The following VWA8 variants were observed in gnomAD, a reference collection of about 807,000 sequenced individuals.
VWA8 encodes the protein von Willebrand factor A domain containing 8, also known as von Willebrand factor A domain-containing protein 8.
In VWA8, 221 loss-of-function variants were observed where a neutral mutation model predicts 241.5. The observed-to-expected ratio is 0.91, with a 90% CI of 0.82 to 1.02. The LOEUF is 1.02. VWA8 is among the 50% of genes least tolerant of loss of function. The pLI is 0.00. For synonymous variants in VWA8, 852 were observed against 827.1 expected, an observed-to-expected ratio of 1.03 and a Z score of -0.52; for missense variants, 2,322 against 2,328.7, an observed-to-expected ratio of 1.00 and a Z score of 0.06.
At chr13:41,719,043 A>G (rs1438346909) in intron 26 of VWA8, among the ~76,000 whole-genome samples, 1 of 152,038 alleles carries the variant, frequency 6.6e-6, no homozygotes, top group Non-Finnish European at 1.5e-5. Flanking sequence ...AACATTAAGT[A>G]GTAGCCTATG....
chr13:41,771,084 T>C (rs1050918401), intron 20 of VWA8, among the ~76,000 whole-genome samples: 2 of 152,270 alleles, frequency 1.3e-5, no homozygotes, highest in South Asian at 2.1e-4. Flanking sequence ...GTAGATCAAA[T>C]TTTTATTTCT....
intron 21 of VWA8, among the ~76,000 whole-genome samples, chr13:41,734,011 G>C (rs2045505696): frequency 1.3e-5 from 2 of 152,166 alleles, no homozygotes; most frequent in East Asian, 1.9e-4. Flanking sequence ...GTAAATGTTG[G>C]GTCAGAGTAA....
intron 17 of VWA8, among the ~76,000 whole-genome samples, chr13:41,790,154 T>G (rs1214582498): frequency 6.6e-6 from 1 of 152,112 alleles, no homozygotes; most frequent in Non-Finnish European, 1.5e-5. Flanking sequence ...AAGGTCTCAA[T>G]TTTTTAAATT....
At position 41,959,493 on chromosome 13, in the gene VWA8, CAAAAAAAA is replaced by C. The variant is rs59960898; in HGVS notation, c.163+1352_163+1359del. Reference sequence around the variant, plus strand: ...AGAAGTGAGAGTAATTGAGAAAAAGCAAAAAAAAAAAAAAAAACAAAAAGTAAAATTTG... The same window carrying C: ...AGAAGTGAGAGTAATTGAGAAAAAGCAAAAAAAAACAAAAAGTAAAATTTG... On this transcript the variant is annotated intron_variant, in intron 1 of 44. Transcript: ENST00000379310. 6.5e-4 allele frequency among the ~76,000 whole-genome samples: 50 copies of C among 76,464 alleles called. 1 individual carries two copies. The highest frequency in any genetic ancestry group is 7.2e-3 in the Middle Eastern group (1 of 138). The allele number at this position is 76,464 out of a possible 152,430, so 50.2% of individuals were successfully genotyped here.
intron 20 of VWA8, 67 bp from the exon 21 acceptor site, chr13:41,761,271 A>T (rs992179744): frequency 1.8e-5 from 27 of 1,486,878 alleles, no homozygotes; most frequent in Middle Eastern, 1.7e-4. Flanking sequence ...ATGCCAAATC[A>T]GAAGAATCTT....
At chr13:41,596,182 C>T (rs2139650886) in intron 40 of VWA8, among the ~76,000 whole-genome samples, 1 of 152,182 alleles carries the variant, frequency 6.6e-6, no homozygotes, top group Middle Eastern at 3.4e-3. Context: ...AACTATTAGG[C>T]ACAAAGACAT....
intron 36 of VWA8, among the ~76,000 whole-genome samples, chr13:41,674,725 T>C (rs9532909): frequency 0.97 from 147,229 of 152,242 alleles, 71,412 homozygotes; most frequent in East Asian, 1. Flanking sequence ...ATGAAGGAGG[T>C]GAACAGTAAT....
At chr13:41,896,282 A>G (rs574184398) in intron 4 of VWA8, among the ~76,000 whole-genome samples, 484 of 152,242 alleles carry the variant, frequency 3.2e-3, no homozygotes, top group African/African-American at 0.01. Context: ...ATTTTAAAAT[A>G]TAAGAAAAGT....
chr13:41,915,746 T>A (rs1876219989), intron 2 of VWA8, among the ~76,000 whole-genome samples: 1 of 152,240 alleles, frequency 6.6e-6, no homozygotes, highest in Non-Finnish European at 1.5e-5. Context: ...AAGGCTCTCA[T>A]CATCACATTC....
chr13:41,831,807 A>G (rs1871476300), intron 13 of VWA8, among the ~76,000 whole-genome samples: 1 of 151,230 alleles, frequency 6.6e-6, no homozygotes, highest in South Asian at 2.1e-4. Context: ...TTTAATAGAG[A>G]CGGGGTTTCA....
chr13:41,575,475 A>C (rs73464903), intron 43 of VWA8, among the ~76,000 whole-genome samples: 17,456 of 152,182 alleles, frequency 0.11, 1,928 homozygotes, highest in African/African-American at 0.29. Flanking sequence ...GAGAAGAGCC[A>C]TATAGGACAT....
At chr13:41,574,056 T>C (rs1053499365) in intron 43 of VWA8, among the ~76,000 whole-genome samples, 1 of 152,000 alleles carries the variant, frequency 6.6e-6, no homozygotes, top group African/African-American at 2.4e-5. Flanking sequence ...TGCATGCCCG[T>C]ATCAAACATC....
At chr13:41,818,245 G>T (rs1476604855) in intron 15 of VWA8, among the ~76,000 whole-genome samples, 1 of 149,102 alleles carries the variant, frequency 6.7e-6, no homozygotes, top group African/African-American at 2.5e-5. Context: ...TTACAGGCAT[G>T]AGCCACCGCA....
At chr13:41,959,159 A>G (rs986644129) in intron 1 of VWA8, among the ~76,000 whole-genome samples, 1 of 152,220 alleles carries the variant, frequency 6.6e-6, no homozygotes, top group African/African-American at 2.4e-5. Context: ...AAAAAAGCTA[A>G]CTTTTATTGA....
At chr13:41,881,834 G>A (rs1874223031) in intron 9 of VWA8, among the ~76,000 whole-genome samples, 2 of 145,424 alleles carry the variant, frequency 1.4e-5, no homozygotes, top group African/African-American at 5.1e-5. Flanking sequence ...CTCCCGGACG[G>A]GGCGGCTGGC....
At chr13:41,582,166 C>T (rs1322151875) in intron 42 of VWA8, among the ~76,000 whole-genome samples, 4 of 152,156 alleles carry the variant, frequency 2.6e-5, no homozygotes, top group Non-Finnish European at 5.9e-5. Context: ...TTTAAACACT[C>T]CAAATGGCTT....
chr13:41,940,881 G>C (rs1182777251), intron 2 of VWA8, among the ~76,000 whole-genome samples: 1 of 152,128 alleles, frequency 6.6e-6, no homozygotes, highest in Non-Finnish European at 1.5e-5. Flanking sequence ...CTTATATTGT[G>C]ATTATGGTAG....
At chr13:41,791,476 T>C (rs935011406) in intron 17 of VWA8, among the ~76,000 whole-genome samples, 1 of 151,948 alleles carries the variant, frequency 6.6e-6, no homozygotes, top group African/African-American at 2.4e-5. Context: ...TAGAAAATTA[T>C]GAAGACTATT....
chr13:41,888,536 G>C (rs925034618), intron 5 of VWA8, among the ~76,000 whole-genome samples: 1 of 152,042 alleles, frequency 6.6e-6, no homozygotes, highest in Admixed American at 6.5e-5. Context: ...CCATCTTCTT[G>C]GAACAACACC....
Sources: allele counts gnomAD v4.1 joint callset (sites outside exome capture counted in the v4.1 genomes callset), GRCh38; gene constraint gnomAD v4.1.1; transcripts MANE v1.5; gene names NCBI Gene and HGNC (gene_info 2026-07-23, HGNC 2026-07-21).